DNAI1: variants seen among roughly 807,000 people sequenced by gnomAD.
DNAI1 encodes dynein axonemal intermediate chain 1, also known as dynein, axonemal, intermediate polypeptide 1.
In DNAI1, 67 loss-of-function variants were observed where a neutral mutation model predicts 92.0. That is an observed-to-expected ratio of 0.73 (90% CI 0.60 to 0.89). DNAI1 has a LOEUF of 0.89. DNAI1 is among the 40% of genes least tolerant of loss of function. DNAI1 has a pLI of 0.00. For synonymous variants in DNAI1, 323 were observed against 319.6 expected (o/e 1.01, Z -0.11); for missense variants, 839 against 866.6 (o/e 0.97, Z 0.40).
At chr9:34,509,161 C>A (rs995414196) in intron 13 of DNAI1, among the ~76,000 whole-genome samples, 17 of 152,130 alleles carry the variant, frequency 1.1e-4, no homozygotes, top group African/African-American at 4.1e-4. Flanking sequence ...CCCACACTGT[C>A]CTGGGTGGGG....
chr9:34,506,549 G>A (rs1824933450), intron 12 of DNAI1, 78 bp from the exon 13 acceptor site: 3 of 1,603,278 alleles, frequency 1.9e-6, no homozygotes, highest in Admixed American at 3.4e-5. Flanking sequence ...TGCCCACCTA[G>A]TGGGGTAGGG....
At chr9:34,468,971 C>T (rs1824090687) in intron 1 of DNAI1, among the ~76,000 whole-genome samples, 1 of 151,782 alleles carries the variant, frequency 6.6e-6, no homozygotes, top group Admixed American at 6.6e-5. Context: ...GTTGGAATGC[C>T]AGAGGGAAAA....
At chr9:34,464,314 G>T (rs962671382) in intron 1 of DNAI1, among the ~76,000 whole-genome samples, 1 of 152,186 alleles carries the variant, frequency 6.6e-6, no homozygotes, top group African/African-American at 2.4e-5. Context: ...ATAGGGACCA[G>T]ATTTTTAGAC....
intron 12 of DNAI1, among the ~76,000 whole-genome samples, chr9:34,503,922 G>C (rs1587082643): frequency 6.6e-6 from 1 of 152,200 alleles, no homozygotes; most frequent in South Asian, 2.1e-4. Context: ...AGATGGCCTT[G>C]GGACTGCTGG....
intron 10 of DNAI1, 22 bp downstream of exon 10, chr9:34,497,221 A>G: frequency 1.3e-6 from 2 of 1,587,698 alleles, no homozygotes; most frequent in Non-Finnish European, 1.7e-6. Flanking sequence ...AGTTCTGGCA[A>G]CCACTATTAT....
chr9:34,476,299 T>G (rs1260920375), intron 1 of DNAI1, among the ~76,000 whole-genome samples: 2 of 152,194 alleles, frequency 1.3e-5, no homozygotes, highest in Non-Finnish European at 2.9e-5. Context: ...ACATCTGCCC[T>G]TGGTGTGTCA....
chr9:34,472,084 G>A (rs1251997504), intron 1 of DNAI1, among the ~76,000 whole-genome samples: 1 of 152,156 alleles, frequency 6.6e-6, no homozygotes, highest in Admixed American at 6.5e-5. Context: ...CCTCAGAATG[G>A]AACTCAATTG....
chr9:34,507,290 T>C (rs1039288937), intron 13 of DNAI1, among the ~76,000 whole-genome samples: 3 of 152,146 alleles, frequency 2.0e-5, no homozygotes, highest in African/African-American at 7.2e-5. Flanking sequence ...CTCAAAAACA[T>C]AACTACTAAT....
At chr9:34,517,975 G>A (rs2132087157) in intron 19 of DNAI1, among the ~76,000 whole-genome samples, 1 of 152,326 alleles carries the variant, frequency 6.6e-6, no homozygotes, top group Middle Eastern at 3.4e-3. Flanking sequence ...TCTGGTTCCT[G>A]TTTCTAGGGT....
At chr9:34,500,665 C>T in intron 10 of DNAI1, 57 bp from the exon 11 acceptor site, 2 of 1,257,294 alleles carry the variant, frequency 1.6e-6, no homozygotes, top group Admixed American at 1.8e-5. Context: ...AAGTGGTGGA[C>T]CTGGGTTTGC....
At chr9:34,501,317 G>A (rs1483674590) in intron 12 of DNAI1, 136 bp downstream of exon 12, 1 of 779,282 alleles carries the variant, frequency 1.3e-6, no homozygotes, top group Admixed American at 1.9e-5. Context: ...TAATGGGGAA[G>A]ACCCACAATC....
chr9:34,500,182 C>T (rs922583174), intron 10 of DNAI1, among the ~76,000 whole-genome samples: 2 of 152,122 alleles, frequency 1.3e-5, no homozygotes, highest in Non-Finnish European at 2.9e-5. Flanking sequence ...AAGTGGAAGG[C>T]AGAGACAATT....
rs1013663863 is a variant in DNAI1 at position 34,482,823 on chromosome 9, C to G, written c.49-625C>G. 2.0e-5 allele frequency among the ~76,000 whole-genome samples: 3 copies of G among 152,230 alleles called. No individual in the cohort carries two copies. The East Asian group carries it at 5.8e-4, about 29-fold the overall frequency. ...GCGCCGTGGAGCAGAGGATGGTGCT[C>G]GTCGGGGAGGCTGGGGCCGCACAAG... On this transcript the variant is annotated intron_variant, in intron 1 of 19. Transcript: ENST00000242317.
chr9:34,460,474 T>C (rs1466543514), intron 1 of DNAI1, among the ~76,000 whole-genome samples: 1 of 152,174 alleles, frequency 6.6e-6, no homozygotes, highest in African/African-American at 2.4e-5. Context: ...TCTGCCTCTT[T>C]TACCTGGGCT....
chr9:34,512,081 C>T, intron 13 of DNAI1, 28 bp from the exon 14 acceptor site: 3 of 1,609,932 alleles, frequency 1.9e-6, no homozygotes, highest in South Asian at 2.2e-5. Context: ...TAGCAGGGTC[C>T]CAGAGCTCAC....
intron 18 of DNAI1, among the ~76,000 whole-genome samples, chr9:34,516,357 A>G (rs1445044655): frequency 2.0e-5 from 3 of 152,166 alleles, no homozygotes; most frequent in East Asian, 3.8e-4. Flanking sequence ...CTACTGCCAT[A>G]TGGAGGATGG....
chr9:34,474,991 C>G (rs1824211907), intron 1 of DNAI1, among the ~76,000 whole-genome samples: 1 of 152,152 alleles, frequency 6.6e-6, no homozygotes, highest in Non-Finnish European at 1.5e-5. Flanking sequence ...GTTGGCACTA[C>G]CACAACAATG....
At chr9:34,509,328 A>G (rs1825018909) in intron 13 of DNAI1, among the ~76,000 whole-genome samples, 1 of 152,166 alleles carries the variant, frequency 6.6e-6, no homozygotes, top group South Asian at 2.1e-4. Flanking sequence ...TTGGGAAGTG[A>G]CACGTCATTT....
intron 12 of DNAI1, among the ~76,000 whole-genome samples, chr9:34,504,110 C>T (rs773260548): frequency 1.1e-4 from 16 of 152,098 alleles, no homozygotes; most frequent in Non-Finnish European, 1.8e-4. Context: ...CTTCCCAGAG[C>T]GCCATGTATT....
Sources: gnomAD v4.1 joint callset for allele counts (sites outside exome capture counted in the v4.1 genomes callset) on GRCh38, gnomAD v4.1.1 for gene constraint, MANE v1.5 for transcripts, NCBI Gene and HGNC (gene_info 2026-07-23, HGNC 2026-07-21) for gene names.